GPR39: variants seen among roughly 807,000 people sequenced by gnomAD.
The protein encoded by GPR39 is zinc sensing receptor.
A neutral mutation model predicts 18.4 loss-of-function variants in GPR39; 23 were observed. The observed-to-expected ratio is 1.25, with a 90% CI of 0.90 to 1.77. The LOEUF is 1.77. GPR39 is among the 40% of genes most tolerant of loss of function. GPR39 has a pLI of 0.00. For synonymous variants in GPR39, 280 were observed against 257.9 expected (o/e 1.09, Z -0.82); for missense variants, 647 against 602.4 (o/e 1.07, Z -0.78).
At chr2:132,493,324 CAT>C (rs1681551833) in intron 1 of GPR39, among the ~76,000 whole-genome samples, 1 of 145,246 alleles carries the variant, frequency 6.9e-6, no homozygotes, top group Non-Finnish European at 1.5e-5. Context: ...TATATATACA[CAT>C]ACCATATATA....
At chr2:132,429,195 T>A (rs1680181288) in intron 1 of GPR39, among the ~76,000 whole-genome samples, 1 of 152,158 alleles carries the variant, frequency 6.6e-6, no homozygotes, top group Non-Finnish European at 1.5e-5. Flanking sequence ...CATCAAACAT[T>A]GAGATTGGAG....
At chr2:132,539,272 C>T (rs903884749) in intron 1 of GPR39, among the ~76,000 whole-genome samples, 20 of 152,130 alleles carry the variant, frequency 1.3e-4, no homozygotes, top group Admixed American at 1.3e-3. Context: ...GACAGTCTCT[C>T]ACGGCTTCCC....
intron 1 of GPR39, among the ~76,000 whole-genome samples, chr2:132,447,392 C>G (rs555261241): frequency 6.6e-6 from 1 of 152,304 alleles, no homozygotes; most frequent in South Asian, 2.1e-4. Flanking sequence ...CGCTTTGTTG[C>G]TGACATTTCG....
intron 1 of GPR39, among the ~76,000 whole-genome samples, chr2:132,443,831 A>G (rs1034700685): frequency 1.1e-4 from 17 of 152,194 alleles, no homozygotes; most frequent in African/African-American, 3.6e-4. Flanking sequence ...GCACTTTGAG[A>G]GGCCAAGGAG....
At chr2:132,546,955 G>C (rs888491638) in intron 1 of GPR39, among the ~76,000 whole-genome samples, 1 of 151,214 alleles carries the variant, frequency 6.6e-6, no homozygotes, top group Non-Finnish European at 1.5e-5. Context: ...CCTCTGAGAA[G>C]AGAAACCACT....
intron 1 of GPR39, among the ~76,000 whole-genome samples, chr2:132,423,412 A>G (rs115591270): frequency 0.023 from 3,443 of 152,288 alleles, 76 homozygotes; most frequent in Non-Finnish European, 0.036. Flanking sequence ...ATCTCCAAAT[A>G]CAATCACACC....
At chr2:132,429,440 C>T (rs746695292) in intron 1 of GPR39, among the ~76,000 whole-genome samples, 1 of 152,208 alleles carries the variant, frequency 6.6e-6, no homozygotes, top group Non-Finnish European at 1.5e-5. Flanking sequence ...AAATTTCCAT[C>T]TTTTTGAGTC....
chr2:132,450,881 A>G (rs570806230), intron 1 of GPR39, among the ~76,000 whole-genome samples: 12 of 152,330 alleles, frequency 7.9e-5, no homozygotes, highest in African/African-American at 2.9e-4. Flanking sequence ...TATGGTCTGG[A>G]ACCAATTTGG....
Position 132,557,273 on chromosome 2 carries a change from G to A in GPR39, c.857-87828G>A, listed in dbSNP as rs143540426. ...GGGGAAGTTGGAGTGAACCAAGATC[G>A]CACCATTGCACTCCAGCCTGGGCAA... On this transcript the variant is annotated intron_variant, in intron 1 of 1. Transcript: ENST00000329321. Among the ~76,000 whole-genome samples, 872 of 152,210 alleles carry A rather than the reference G, an allele frequency of 5.7e-3. 6 individuals carry two copies. Among genetic ancestry groups the A allele is most frequent in the African/African-American group, 0.02 (837 of 41,550 alleles).
At chr2:132,520,525 C>T (rs1228413104) in intron 1 of GPR39, among the ~76,000 whole-genome samples, 1 of 152,194 alleles carries the variant, frequency 6.6e-6, no homozygotes, top group Non-Finnish European at 1.5e-5. Flanking sequence ...CTGAGATCAG[C>T]CTGGGCACTC....
chr2:132,442,595 C>T (rs13410626), intron 1 of GPR39, among the ~76,000 whole-genome samples: 3,202 of 152,296 alleles, frequency 0.021, 105 homozygotes, highest in African/African-American at 0.072. Flanking sequence ...CAGAGTCAGA[C>T]ACAGCTTTGG....
chr2:132,458,108 C>T (rs1014297840), intron 1 of GPR39, among the ~76,000 whole-genome samples: 3 of 152,198 alleles, frequency 2.0e-5, no homozygotes, highest in Non-Finnish European at 4.4e-5. Context: ...ATGCCCTGCC[C>T]TGCTTCAGCT....
intron 1 of GPR39, among the ~76,000 whole-genome samples, chr2:132,559,786 A>G (rs896908017): frequency 6.6e-6 from 1 of 152,152 alleles, no homozygotes; most frequent in Non-Finnish European, 1.5e-5. Context: ...CATGTGTTCC[A>G]ATCACCTGGG....
intron 1 of GPR39, among the ~76,000 whole-genome samples, chr2:132,636,198 A>G (rs976265237): frequency 6.6e-6 from 1 of 152,162 alleles, no homozygotes; most frequent in African/African-American, 2.4e-5. Flanking sequence ...ATAGGTCAAT[A>G]TTATCTCCTA....
At chr2:132,501,076 TTTCAGTTTCATTTAGTTCTACTCTGATC>T in intron 1 of GPR39, among the ~76,000 whole-genome samples, 1 of 147,214 alleles carries the variant, frequency 6.8e-6, no homozygotes, top group African/African-American at 2.6e-5. Flanking sequence ...TTTTTTTTGG[TTTCAGTTTCATTTAGTTCTACTCTGATC>T]TTTGTTATTT....
intron 1 of GPR39, among the ~76,000 whole-genome samples, chr2:132,555,507 GTC>G (rs937715509): frequency 6.6e-6 from 1 of 152,134 alleles, no homozygotes; most frequent in Admixed American, 6.5e-5. Flanking sequence ...GGCTACTGGT[GTC>G]TCTGTTTTAT....
intron 1 of GPR39, among the ~76,000 whole-genome samples, chr2:132,529,039 G>A (rs188506344): frequency 6.6e-6 from 1 of 152,170 alleles, no homozygotes; most frequent in Non-Finnish European, 1.5e-5. Context: ...TGGGTGCAGC[G>A]CACTGTGCGT....
intron 1 of GPR39, among the ~76,000 whole-genome samples, chr2:132,558,656 A>T (rs1326191501): frequency 6.6e-6 from 1 of 152,172 alleles, no homozygotes; most frequent in Non-Finnish European, 1.5e-5. Flanking sequence ...TAACAAGACG[A>T]TGCACTTGAG....
chr2:132,528,633 T>G (rs149751041), intron 1 of GPR39, among the ~76,000 whole-genome samples: 116 of 152,314 alleles, frequency 7.6e-4, no homozygotes, highest in African/African-American at 2.7e-3. Flanking sequence ...GCAGTTCTCC[T>G]TGAAGAGGTC....
Sources: gnomAD v4.1 joint callset for allele counts (sites outside exome capture counted in the v4.1 genomes callset) on GRCh38, gnomAD v4.1.1 for gene constraint, MANE v1.5 for transcripts, NCBI Gene and HGNC (gene_info 2026-07-23, HGNC 2026-07-21) for gene names.